Variants in MUC3A observed in about 807,000 individuals in gnomAD.
MUC3A encodes the protein mucin 3A, cell surface associated.
A neutral mutation model predicts 109.0 loss-of-function variants in MUC3A; 109 were observed. The observed-to-expected ratio is 1.00, with a 90% confidence interval of 0.86 to 1.17. The LOEUF (loss-of-function observed/expected upper bound fraction) is 1.17, where lower values mean the gene tolerates loss of function less well. Among genes scored for constraint, MUC3A ranks in the 50% most tolerant of loss-of-function variants. The probability of loss-of-function intolerance (pLI) is 0.00; values close to 1 mark genes in which losing one functional copy is unlikely to be tolerated. For synonymous variants in MUC3A, 1,398 were observed against 981.4 expected (o/e 1.42, Z -7.93); for missense variants, 3,537 against 2,469.4 (o/e 1.43, Z -9.16).
Position 100,958,200 on chromosome 7 carries a change from A to G in MUC3A, c.6421A>G (p.Thr2141Ala). Residue 2141 changes from threonine to alanine, a missense_variant, in exon 2 of 12, where the codon ACT becomes GCT. Transcript: ENST00000379458. ...ITTTENATHS[T>A]PNFTSSITTT... ...CACCACTGAGAACGCCACACACAGTACTCCCAACTTCACTTCTTCAATCAC... is the reference window on the plus strand; with the variant it reads ...CACCACTGAGAACGCCACACACAGTGCTCCCAACTTCACTTCTTCAATCAC... 8.7e-6 allele frequency: 4 copies of G among 457,862 alleles called. No homozygotes were observed. The highest frequency in any genetic ancestry group is 1.0e-5 in the Non-Finnish European group (3 of 290,402). The allele number at this position is 457,862 out of a possible 1,614,324, so 28.4% of individuals were successfully genotyped here.
At position 100,952,996 on chromosome 7, in the gene MUC3A, C is replaced by A; in HGVS notation, c.1217C>A (p.Thr406Asn). ...AGTACTCCCAGCTTCTCTTCATCAACCATCTACTCCACAGTCAGCACATCC... is the reference window on the plus strand; with the variant it reads ...AGTACTCCCAGCTTCTCTTCATCAAACATCTACTCCACAGTCAGCACATCC... ...SHSTPSFSSS[T>N]IYSTVSTSTT... is the part of the protein sequence containing the mutation. The change falls in exon 2 of 12, where the codon ACC (threonine) becomes AAC (asparagine). Residue 406 changes from threonine (T) to asparagine (N), a missense_variant. Physicochemically the swap from Thr to Asn is moderately conservative, Grantham distance 65. Coordinates refer to ENST00000379458, the MANE Select transcript of MUC3A (RefSeq NM_005960.2). The A allele has an allele frequency of 3.1e-6, 5 of 1,593,050 alleles. No homozygotes were observed. The African/African-American group carries it at 6.7e-5, about 21-fold the overall frequency.
In MUC3A at chr7:100,967,648, T is replaced by A; in HGVS notation, c.*486T>A. On this transcript the variant is annotated 3_prime_UTR_variant, in exon 12 of 12. Coordinates refer to ENST00000379458, the MANE Select transcript of MUC3A (RefSeq NM_005960.2). ...TCTTACTTTGAACCTGGAGGCAGCC[T>A]GCAGCCCCATCCCATCTCCTGCCCT... is the stretch of plus-strand genomic sequence containing the variant. 1 of 248,694 alleles carries A rather than the reference T, an allele frequency of 4.0e-6. No homozygotes were observed. The allele number at this position is 248,694 out of a possible 1,614,324, so 15.4% of individuals were successfully genotyped here.
At chr7:100,965,416 A>G (rs1792498577) in intron 7 of MUC3A, 69 bp downstream of exon 7, 2 of 1,560,830 alleles carry the variant, frequency 1.3e-6, no homozygotes, top group Admixed American at 1.9e-5. Flanking sequence ...ACATTTGCCC[A>G]TTGAAGCCTG....
chr7:100,963,283 G>A lies in MUC3A; in HGVS notation c.9168+17G>A, dbSNP rs1212984165. On this transcript the variant is annotated intron_variant, in intron 4 of 11. Coordinates refer to ENST00000379458, the MANE Select transcript of MUC3A (RefSeq NM_005960.2). Reference sequence around the variant, plus strand: ...TGGAATCAGGTAAAGGGCAAAGAGAGGGGATTTTTTTTTTTTTTTTGAGGT... The same window carrying A: ...TGGAATCAGGTAAAGGGCAAAGAGAAGGGATTTTTTTTTTTTTTTTGAGGT... 1.3e-5 allele frequency: 20 copies of A among 1,546,368 alleles called. No individual in the cohort carries two copies. Among genetic ancestry groups the A allele is most frequent in the Non-Finnish European group, 1.7e-5 (20 of 1,156,870 alleles).
chr7:100,951,290 T>A (rs141811911), intron 1 of MUC3A, among the ~76,000 whole-genome samples: 471 of 152,410 alleles, frequency 3.1e-3, no homozygotes, highest in Non-Finnish European at 5.6e-3. Flanking sequence ...CCACCGTGCC[T>A]GGCCCTCTTT....
Position 100,958,740 on chromosome 7 carries a change from GCT to G in MUC3A, c.6963_6964del (p.His2322GlnfsTer61), listed in dbSNP as rs1792185927. The G allele has an allele frequency of 6.7e-6, 7 of 1,041,486 alleles. No individual in the cohort carries two copies. In the South Asian group the frequency reaches 1.3e-4, roughly 19 times the overall value. 64.5% of individuals were successfully genotyped at this position (1,041,486 alleles called of 1,614,324 possible). ...CACCACGGAGACCACCTCACACAGT[GCT>G]CACAGCTTCACTTCTTCGATCACCA... Reference protein sequence around the residue: ...ITTTETTSHSAHSFTSSITTT... With the variant: ...ITTTETTSHSXHSFTSSITTT... On this transcript the variant is annotated frameshift_variant, in exon 2 of 12. Coordinates refer to ENST00000379458, the MANE Select transcript of MUC3A (RefSeq NM_005960.2). LOFTEE classifies it high-confidence loss of function.
At position 100,960,422 on chromosome 7, in the gene MUC3A, A is replaced by G. The variant is rs1792281916; in HGVS notation, c.8643A>G (p.Leu2881=). The change falls in exon 2 of 12, where the codon CTA becomes CTG. Residue 2881 remains leucine, a synonymous_variant. Coordinates refer to ENST00000379458, the MANE Select transcript of MUC3A (RefSeq NM_005960.2). ...TGAGCAACAGTTCTGTGATCCCCCT[A>G]CCTCTTCCTGGCGTCTCTACCATCC... ...TWLSNSSVIP[L]PLPGVSTIPL... 4 of 1,598,174 alleles carry G rather than the reference A, an allele frequency of 2.5e-6. No individual in the cohort carries two copies. The highest frequency in any genetic ancestry group is 3.4e-6 in the Non-Finnish European group (4 of 1,179,566).
intron 3 of MUC3A, 68 bp downstream of exon 3, chr7:100,961,005 T>A: frequency 6.3e-7 from 1 of 1,595,746 alleles, no homozygotes; most frequent in Non-Finnish European, 8.5e-7. Context: ...CCCAGACTTA[T>A]CCCTCTGTGG....
Position 100,965,766 on chromosome 7 carries a change from A to G in MUC3A, c.9511A>G (p.Thr3171Ala), listed in dbSNP as rs764824232. The part of the protein sequence containing the change: ...EEFYFPLVEA[T>A]RLRCVTKCTS... Reference sequence around the variant, plus strand: ...GTTCTACTTCCCCTTGGTGGAGGCCACCCGGCTCCGCTGTGTCACCAAATG... The same window carrying G: ...GTTCTACTTCCCCTTGGTGGAGGCCGCCCGGCTCCGCTGTGTCACCAAATG... The change falls in exon 8 of 12, where the codon ACC becomes GCC. Residue 3171 changes from threonine (T) to alanine (A), a missense_variant. Physicochemically the swap from Thr to Ala is moderately conservative, Grantham distance 58. Transcript: ENST00000379458. The G allele has an allele frequency of 3.8e-6, 6 of 1,598,452 alleles. No individual in the cohort carries two copies. In the South Asian group the frequency reaches 4.4e-5, roughly 12 times the overall value.
chr7:100,956,480 G>A lies in MUC3A; in HGVS notation c.4701G>A (p.Val1567=). The A allele has an allele frequency of 2.1e-6, 1 of 483,000 alleles. No homozygotes were observed. Among genetic ancestry groups the A allele is most frequent in the Non-Finnish European group, 3.6e-6 (1 of 274,302 alleles). 29.9% of individuals were successfully genotyped at this position (483,000 alleles called of 1,614,324 possible). Residue 1567 remains valine (V), a synonymous_variant, in exon 2 of 12, where the codon GTG becomes GTA. Coordinates refer to ENST00000379458, the MANE Select transcript of MUC3A (RefSeq NM_005960.2). ...VTSTSMIPST[V]STGIPTSQPT... Reference sequence around the variant, plus strand: ...CTACATCCATGATCCCATCTACTGTGAGTACAGGTATCCCTACCTCACAAC... The same window carrying A: ...CTACATCCATGATCCCATCTACTGTAAGTACAGGTATCCCTACCTCACAAC...
chr7:100,953,180 C>T lies in MUC3A; in HGVS notation c.1401C>T (p.Asp467=). Reference sequence around the variant, plus strand: ...CCGGTTTCCTGACTACAGCAACAGACCTCACATCAACATTCACGGTTTCCA... The same window carrying T: ...CCGGTTTCCTGACTACAGCAACAGATCTCACATCAACATTCACGGTTTCCA... The part of the protein sequence containing the change: ...GSTGFLTTAT[D]LTSTFTVSSS... Residue 467 remains aspartate, a synonymous_variant, in exon 2 of 12, where the codon GAC becomes GAT. Transcript: ENST00000379458. 1.6e-6 allele frequency: 1 copy of T among 614,756 alleles called. No homozygotes were observed. Among genetic ancestry groups the T allele is most frequent in the Non-Finnish European group, 2.9e-6 (1 of 348,008 alleles). The allele number at this position is 614,756 out of a possible 1,614,324, so 38.1% of individuals were successfully genotyped here.
chr7:100,963,698 T>G lies in MUC3A; in HGVS notation c.9179T>G (p.Ile3060Ser). The change falls in exon 5 of 12, where the codon ATT becomes AGT. Residue 3060 changes from isoleucine to serine, a missense_variant. Transcript: ENST00000379458. Reference protein sequence around the residue: ...NKTFWNQMQKIFADMQGFTFK... With the variant: ...NKTFWNQMQKSFADMQGFTFK... The stretch of plus-strand genomic sequence containing the variant: ...TCCTTGGTGTTTCAGATGCAGAAGA[T>G]TTTTGCAGACATGCAGGGCTTCACC... The G allele has an allele frequency of 6.3e-7, 1 of 1,598,508 alleles. No individual in the cohort carries two copies. The highest frequency in any genetic ancestry group is 8.5e-7 in the Non-Finnish European group (1 of 1,179,796).
In MUC3A at chr7:100,959,856, T is replaced by G. The variant is rs1315236791; in HGVS notation, c.8077T>G (p.Ser2693Ala). Residue 2693 changes from serine (S) to alanine (A), a missense_variant, in exon 2 of 12, where the codon TCT becomes GCT. Physicochemically the swap from Ser to Ala is moderately conservative, Grantham distance 99. Transcript: ENST00000379458. ...SSTPTIIMSS[S>A]PSSASITPVF... ...AACACCCACTATTATCATGTCCTCT[T>G]CTCCATCTTCTGCCAGCATAACTCC... is the stretch of plus-strand genomic sequence containing the variant. The G allele has an allele frequency of 6.4e-7, 1 of 1,561,540 alleles. No homozygotes were observed. The highest frequency in any genetic ancestry group is 1.8e-5 in the Admixed American group (1 of 56,678).
Position 100,964,738 on chromosome 7 carries a change from C to T in MUC3A, c.9277C>T (p.Pro3093Ser). 1 of 1,598,486 alleles carries T rather than the reference C, an allele frequency of 6.3e-7. No individual in the cohort carries two copies. The highest frequency in any genetic ancestry group is 8.5e-7 in the Non-Finnish European group (1 of 1,179,778). The change falls in exon 6 of 12, where the codon CCC (proline) becomes TCC (serine). Residue 3093 changes from proline to serine, a missense_variant. Pro to Ser is a moderately conservative substitution (Grantham distance 74). Coordinates refer to ENST00000379458, the MANE Select transcript of MUC3A (RefSeq NM_005960.2). ...VVDYLVLLEM[P>S]FSPQLESEYE... ...GGACTACCTGGTCCTGCTGGAGATGCCCTTCAGCCCCCAGCTGGAGAGCGA... is the reference window on the plus strand; with the variant it reads ...GGACTACCTGGTCCTGCTGGAGATGTCCTTCAGCCCCCAGCTGGAGAGCGA...
Position 100,957,414 on chromosome 7 carries a change from C to G in MUC3A, c.5635C>G (p.Leu1879Val), listed in dbSNP as rs1383809391. 6 of 709,662 alleles carry G rather than the reference C, an allele frequency of 8.5e-6. No homozygotes were observed. In the Admixed American group the frequency reaches 2.0e-4, roughly 24 times the overall value. 44.0% of individuals were successfully genotyped at this position (709,662 alleles called of 1,614,324 possible). A position where few individuals can be genotyped will look rare whatever the true frequency, so the allele number is the denominator to read the frequency against. The change falls in exon 2 of 12, where the codon CTC becomes GTC. Residue 1879 changes from leucine to valine, a missense_variant. Coordinates refer to ENST00000379458, the MANE Select transcript of MUC3A (RefSeq NM_005960.2). ...CTCTCTTCGACCCACCTCTTCCTCT[C>G]TCCTCACCACAGTAACAGCCACAGT... ...VTSLRPTSSS[L>V]LTTVTATVPT...
rs1467913808 is a variant in MUC3A at position 100,956,316 on chromosome 7, A to G, written c.4537A>G (p.Thr1513Ala). The G allele has an allele frequency of 1.2e-4, 69 of 555,286 alleles. No individual in the cohort carries two copies. Among genetic ancestry groups the G allele is most frequent in the African/African-American group, 9.5e-4 (39 of 41,218 alleles). The allele number at this position is 555,286 out of a possible 1,614,324, so 34.4% of individuals were successfully genotyped here. A position where few individuals can be genotyped will look rare whatever the true frequency, so the allele number is the denominator to read the frequency against. Residue 1513 changes from threonine to alanine, a missense_variant, in exon 2 of 12, where the codon ACA becomes GCA. Physicochemically the swap from Thr to Ala is moderately conservative, Grantham distance 58. Transcript: ENST00000379458. ...STAETAKTPT[T>A]NLVTTTTKTT... ...CGCAGAAACAGCCAAAACTCCTACCACAAACTTGGTAACCACCACCACCAA... is the reference window on the plus strand; with the variant it reads ...CGCAGAAACAGCCAAAACTCCTACCGCAAACTTGGTAACCACCACCACCAA...
Position 100,966,900 on chromosome 7 carries a change from C to G in MUC3A, c.9879C>G (p.Asp3293Glu), listed in dbSNP as rs754341205. ...SNWGFEDDGTDKDTNFYVALE... is the reference protein window; with the variant it reads ...SNWGFEDDGTEKDTNFYVALE... ...TTCTCCGCTCCTCTCTCTCTCTAGA[C>G]AAGGATACAAATTTCTATGTGGCCT... is the stretch of plus-strand genomic sequence containing the variant. The change falls in exon 11 of 12, where the codon GAC becomes GAG. Residue 3293 changes from aspartate (D) to glutamate (E), a missense_variant and splice_region_variant. By Grantham distance (45) the Asp-to-Glu change is conservative. Transcript: ENST00000379458. 6.3e-6 allele frequency: 10 copies of G among 1,598,416 alleles called. No homozygotes were observed. The highest frequency in any genetic ancestry group is 8.5e-6 in the Non-Finnish European group (10 of 1,179,818).
In MUC3A at chr7:100,954,773, A is replaced by G; in HGVS notation, c.2994A>G (p.Val998=). The change falls in exon 2 of 12, where the codon GTA becomes GTG. Residue 998 remains valine (V), a synonymous_variant. Transcript: ENST00000379458. ...TLTPTTDIST[V]SLTTAMTSPP... is the part of the protein sequence containing the mutation. ...CTCCTACAACTGACATTTCTACAGTATCTCTCACAACAGCCATGACTTCTC... is the reference window on the plus strand; with the variant it reads ...CTCCTACAACTGACATTTCTACAGTGTCTCTCACAACAGCCATGACTTCTC... The G allele has an allele frequency of 2.5e-6, 1 of 402,808 alleles. No homozygotes were observed. Among genetic ancestry groups the G allele is most frequent in the Non-Finnish European group, 4.4e-6 (1 of 228,968 alleles). 25.0% of individuals were successfully genotyped at this position (402,808 alleles called of 1,614,324 possible).
In MUC3A at chr7:100,953,090, T is replaced by A. The variant is rs1323500176; in HGVS notation, c.1311T>A (p.Ser437=). ...TMVTSTTMTP[S]SLSTDIPFTT... ...TGACTTCCACAACCATGACCCCATCTTCTCTGAGTACAGACATCCCTTTCA... is the reference window on the plus strand; with the variant it reads ...TGACTTCCACAACCATGACCCCATCATCTCTGAGTACAGACATCCCTTTCA... Residue 437 remains serine (S), a synonymous_variant, in exon 2 of 12, where the codon TCT becomes TCA. Coordinates refer to ENST00000379458, the MANE Select transcript of MUC3A (RefSeq NM_005960.2). The A allele has an allele frequency of 9.2e-6, 9 of 976,116 alleles. No individual in the cohort carries two copies. In the African/African-American group the frequency reaches 2.4e-4, roughly 26 times the overall value. 60.5% of individuals were successfully genotyped at this position (976,116 alleles called of 1,614,324 possible). A position where few individuals can be genotyped will look rare whatever the true frequency, so the allele number is the denominator to read the frequency against.
Sources: allele counts gnomAD v4.1 joint callset (sites outside exome capture counted in the v4.1 genomes callset), GRCh38; gene constraint gnomAD v4.1.1; transcripts MANE v1.5; gene names NCBI Gene and HGNC (gene_info 2026-07-23, HGNC 2026-07-21).